ZNF101: variants seen among roughly 807,000 people sequenced by gnomAD.
The protein encoded by ZNF101 is zinc finger protein 101, also known as zinc finger protein 101 (Y2).
ZNF101 carries 34 observed loss-of-function variants against 42.6 expected under a neutral mutation model. The observed-to-expected ratio is 0.80, with a 90% CI of 0.61 to 1.06. The LOEUF (loss-of-function observed/expected upper bound fraction) is 1.06. Among genes scored for constraint, ZNF101 ranks in the 50% least tolerant of loss-of-function variants. The pLI, the probability that ZNF101 is intolerant of heterozygous loss-of-function variation, is 0.00. For missense variants in ZNF101, 466 were observed against 530.9 expected, an observed-to-expected ratio of 0.88 and a Z score of 1.20; for synonymous variants, 158 against 183.9, an observed-to-expected ratio of 0.86 and a Z score of 1.14.
rs146664542 is a variant in ZNF101 at position 19,679,253 on chromosome 19, T to C, written c.264T>C (p.Asp88=). The C allele has an allele frequency of 6.3e-5, 102 of 1,614,206 alleles. No homozygotes were observed. The African/African-American group carries it at 1.3e-3, about 20-fold the overall frequency. The change falls in exon 4 of 4, where the codon GAT becomes GAC. Residue 88 remains aspartate (D), a synonymous_variant. Coordinates refer to ENST00000592502, the MANE Select transcript of ZNF101 (RefSeq NM_033204.4). ...GAGAAACTTTCAGCCAGATTCCTGA[T>C]TGTCACCTGAACAAGAAAAGTCAAA... is the stretch of plus-strand genomic sequence containing the variant. The part of the protein sequence containing the change: ...EHRETFSQIP[D]CHLNKKSQTG...
Position 19,682,744 on chromosome 19 carries a change from G to T in ZNF101, c.*2444G>T, listed in dbSNP as rs977156439. 2.0e-5 allele frequency: 3 copies of T among 152,090 alleles called. No homozygotes were observed. The highest frequency in any genetic ancestry group is 4.4e-5 in the Non-Finnish European group (3 of 68,014). The allele number at this position is 152,090 out of a possible 1,614,324, so 9.4% of individuals were successfully genotyped here. On this transcript the variant is annotated 3_prime_UTR_variant, in exon 4 of 4. Coordinates refer to ENST00000592502, the MANE Select transcript of ZNF101 (RefSeq NM_033204.4). ...GTGAAGTGAAATTTATTTCTAATAT[G>T]TAAGCAGGTTTAATTTTTATGTAGT... is the stretch of plus-strand genomic sequence containing the variant.
chr19:19,669,786 C>A (rs1380278428), intron 1 of ZNF101, among the ~76,000 whole-genome samples: 1 of 152,052 alleles, frequency 6.6e-6, no homozygotes, highest in Non-Finnish European at 1.5e-5. Context: ...CCTGGCAAGA[C>A]CCAGTGTTTT....
intron 1 of ZNF101, among the ~76,000 whole-genome samples, chr19:19,674,890 G>T (rs34182350): frequency 2.0e-5 from 3 of 151,606 alleles, no homozygotes; most frequent in Non-Finnish European, 2.9e-5. Flanking sequence ...GCGCCATCTC[G>T]GCTCACTGCA....
At chr19:19,671,932 A>T (rs2062172863) in intron 1 of ZNF101, among the ~76,000 whole-genome samples, 1 of 151,884 alleles carries the variant, frequency 6.6e-6, no homozygotes, top group African/African-American at 2.4e-5. Flanking sequence ...GCAATTCAAG[A>T]TGAACTGAGG....
rs865997634 is a variant in ZNF101 at position 19,682,657 on chromosome 19, T to A, written c.*2357T>A. ...TTTTATCCTAAGTTAGTTAATAAAA[T>A]TTTTTTCTATCCATTTTGGTTTTCA... On this transcript the variant is annotated 3_prime_UTR_variant, in exon 4 of 4. Coordinates refer to ENST00000592502, the MANE Select transcript of ZNF101 (RefSeq NM_033204.4). The A allele has an allele frequency of 6.6e-6, 1 of 152,124 alleles. No homozygotes were observed. 9.4% of individuals were successfully genotyped at this position (152,124 alleles called of 1,614,324 possible).
At chr19:19,675,350 C>A (rs1017148216) in intron 1 of ZNF101, among the ~76,000 whole-genome samples, 1 of 151,160 alleles carries the variant, frequency 6.6e-6, no homozygotes, top group African/African-American at 2.4e-5. Flanking sequence ...TGTTGGCTAG[C>A]CTGTCTCGAA....
At chr19:19,672,277 T>C (rs2062175554) in intron 1 of ZNF101, 1 of 148,780 alleles carries the variant, frequency 6.7e-6, no homozygotes, top group Non-Finnish European at 1.5e-5. Context: ...CAACCTCCGC[T>C]AAAGTGATTC....
At chr19:19,674,818 A>AATT (rs1052523961) in intron 1 of ZNF101, among the ~76,000 whole-genome samples, 1 of 151,720 alleles carries the variant, frequency 6.6e-6, no homozygotes, top group African/African-American at 2.4e-5. Flanking sequence ...AGGTTTTTAA[A>AATT]ATTATTATTA....
At position 19,670,459 on chromosome 19, in the gene ZNF101, G is replaced by A. The variant is rs187931659; in HGVS notation, c.3+1493G>A. On this transcript the variant is annotated intron_variant, in intron 1 of 3. Coordinates refer to ENST00000592502, the MANE Select transcript of ZNF101 (RefSeq NM_033204.4). ...TCACTATGTTGCCCAGTCTGCTCTG[G>A]AAGTCAAAAGCGATTCTCCTGCCCA... Among the ~76,000 whole-genome samples, 326 of 152,296 alleles carry A rather than the reference G, an allele frequency of 2.1e-3. 1 individual carries two copies. The highest frequency in any genetic ancestry group is 7.4e-3 in the African/African-American group (306 of 41,572).
At chr19:19,678,437 G>A (rs755837905) in intron 2 of ZNF101, among the ~76,000 whole-genome samples, 1 of 151,884 alleles carries the variant, frequency 6.6e-6, no homozygotes, top group South Asian at 2.1e-4. Flanking sequence ...TCAACATGGC[G>A]AAACCTCATC....
At chr19:19,675,818 G>A (rs981044401) in intron 1 of ZNF101, among the ~76,000 whole-genome samples, 1 of 152,044 alleles carries the variant, frequency 6.6e-6, no homozygotes, top group African/African-American at 2.4e-5. Flanking sequence ...AGAGGAGCCT[G>A]GGCAACACAG....
Position 19,683,300 on chromosome 19 carries a change from GTA to G in ZNF101, c.*3002_*3003del. The G allele has an allele frequency of 6.6e-6, 1 of 152,260 alleles. No individual in the cohort carries two copies. Among genetic ancestry groups the G allele is most frequent in the South Asian group, 2.1e-4 (1 of 4,830 alleles). 9.4% of individuals were successfully genotyped at this position (152,260 alleles called of 1,614,324 possible). ...ATCAGTATGTAAAGTTTACCATAGAGTATTGTCTCATGTGAATCATTCCCATT... is the reference window on the plus strand; with the variant it reads ...ATCAGTATGTAAAGTTTACCATAGAGTTGTCTCATGTGAATCATTCCCATT... On this transcript the variant is annotated 3_prime_UTR_variant, in exon 4 of 4. Transcript: ENST00000592502.
In ZNF101 at chr19:19,679,320, T is replaced by C. The variant is rs781162135; in HGVS notation, c.331T>C (p.Phe111Leu). Residue 111 changes from phenylalanine to leucine, a missense_variant, in exon 4 of 4, where the codon TTC becomes CTC. Phe to Leu is a conservative substitution (Grantham distance 22). Transcript: ENST00000592502. ...PCKCSVCGKV[F>L]LRHSFLDRHM... The stretch of plus-strand genomic sequence containing the variant: ...CAAATGCAGCGTGTGTGGGAAAGTC[T>C]TCCTCCGTCATTCATTCCTGGACAG... The C allele has an allele frequency of 6.2e-7, 1 of 1,614,118 alleles. No individual in the cohort carries two copies. Among genetic ancestry groups the C allele is most frequent in the South Asian group, 1.1e-5 (1 of 91,074 alleles).
chr19:19,679,272 A>G lies in ZNF101; in HGVS notation c.283A>G (p.Ser95Gly). The G allele has an allele frequency of 1.9e-6, 3 of 1,614,222 alleles. No homozygotes were observed. Among genetic ancestry groups the G allele is most frequent in the Non-Finnish European group, 2.5e-6 (3 of 1,180,044 alleles). ...QIPDCHLNKKSQTGVKPCKCS... is the reference protein window; with the variant it reads ...QIPDCHLNKKGQTGVKPCKCS... ...TCCTGATTGTCACCTGAACAAGAAA[A>G]GTCAAACTGGAGTGAAACCATGCAA... The change falls in exon 4 of 4, where the codon AGT (serine) becomes GGT (glycine). Residue 95 changes from serine to glycine, a missense_variant. By Grantham distance (56) the Ser-to-Gly change is moderately conservative. Coordinates refer to ENST00000592502, the MANE Select transcript of ZNF101 (RefSeq NM_033204.4).
chr19:19,674,041 C>T (rs1276759299), intron 1 of ZNF101, among the ~76,000 whole-genome samples: 1 of 152,058 alleles, frequency 6.6e-6, no homozygotes, highest in Admixed American at 6.6e-5. Flanking sequence ...ATCCACCTGC[C>T]TTTGCCTCCC....
chr19:19,675,987 T>G (rs997016652), intron 1 of ZNF101, among the ~76,000 whole-genome samples: 1 of 152,018 alleles, frequency 6.6e-6, no homozygotes, highest in Non-Finnish European at 1.5e-5. Flanking sequence ...CAGAGTGAGA[T>G]CCTATCTCAA....
chr19:19,679,844 G>A lies in ZNF101; in HGVS notation c.855G>A (p.Gln285=). 1 of 1,614,060 alleles carries A rather than the reference G, an allele frequency of 6.2e-7. No individual in the cohort carries two copies. Among genetic ancestry groups the A allele is most frequent in the East Asian group, 2.2e-5 (1 of 44,886 alleles). ...SHALEKSHQC[Q]ECGKKLSCSS... ...CGCTGGAGAAATCCCACCAATGTCA[G>A]GAATGTGGGAAAAAACTCAGTTGTT... is the stretch of plus-strand genomic sequence containing the variant. The change falls in exon 4 of 4, where the codon CAG becomes CAA. Residue 285 remains glutamine, a synonymous_variant. Coordinates refer to ENST00000592502, the MANE Select transcript of ZNF101 (RefSeq NM_033204.4).
chr19:19,678,180 C>T (rs1027712488), intron 2 of ZNF101, among the ~76,000 whole-genome samples, 190 bp downstream of exon 2: 2 of 150,602 alleles, frequency 1.3e-5, no homozygotes, highest in African/African-American at 4.9e-5. Context: ...TTGCTTGCGT[C>T]CAGGAGTTTG....
At chr19:19,668,471 G>A (rs1599445292), upstream of ZNF101, among the ~76,000 whole-genome samples, 1 of 152,192 alleles carries the variant, frequency 6.6e-6, no homozygotes, top group East Asian at 1.9e-4. Context: ...GGGTCAGTGG[G>A]GAGGAGGTCT....
Sources: allele counts gnomAD v4.1 joint callset (sites outside exome capture counted in the v4.1 genomes callset), GRCh38; gene constraint gnomAD v4.1.1; transcripts MANE v1.5; gene names NCBI Gene and HGNC (gene_info 2026-07-23, HGNC 2026-07-21).